The following DLG2 variants were observed in gnomAD, a reference collection of about 807,000 sequenced individuals.
DLG2 encodes the protein discs large MAGUK scaffold protein 2.
DLG2 carries 45 observed loss-of-function variants against 132.5 expected under a neutral mutation model. That is an observed-to-expected ratio of 0.34 (90% CI 0.27 to 0.44). DLG2 has a LOEUF of 0.44. Among genes scored for constraint, DLG2 ranks in the 20% least tolerant of loss-of-function variants. The pLI is 1.00. For synonymous variants in DLG2, 424 were observed against 419.6 expected (o/e 1.01, Z -0.13); for missense variants, 1,045 against 1,196.9 (o/e 0.87, Z 1.87).
intron 18 of DLG2, among the ~76,000 whole-genome samples, chr11:83,783,617 C>T (rs1230735668): frequency 1.3e-5 from 2 of 151,974 alleles, no homozygotes; most frequent in Non-Finnish European, 2.9e-5. Context: ...TAAGAAATAC[C>T]AAGTAGGACA....
chr11:85,204,264 G>C (rs1272892999), intron 4 of DLG2, among the ~76,000 whole-genome samples: 1 of 152,060 alleles, frequency 6.6e-6, no homozygotes, highest in Non-Finnish European at 1.5e-5. Context: ...GTTTGCAGAA[G>C]ACATGATCTT....
At chr11:85,049,419 G>A (rs1252770136) in intron 6 of DLG2, among the ~76,000 whole-genome samples, 1 of 147,036 alleles carries the variant, frequency 6.8e-6, no homozygotes. Flanking sequence ...TGGAAGACTG[G>A]CCACAAGTAT....
chr11:84,296,612 T>G (rs2098091888), intron 7 of DLG2, among the ~76,000 whole-genome samples: 1 of 152,072 alleles, frequency 6.6e-6, no homozygotes, highest in South Asian at 2.1e-4. Context: ...CTATGTTATT[T>G]TACTTTTTGT....
At chr11:84,039,199 T>A (rs1272123874) in intron 11 of DLG2, among the ~76,000 whole-genome samples, 1 of 151,934 alleles carries the variant, frequency 6.6e-6, no homozygotes, top group African/African-American at 2.4e-5. Context: ...TTTCAGCTCC[T>A]CATTTTTTTT....
chr11:83,470,128 A>G (rs2091829476), intron 24 of DLG2, among the ~76,000 whole-genome samples: 1 of 150,704 alleles, frequency 6.6e-6, no homozygotes, highest in Non-Finnish European at 1.5e-5. Context: ...AAAGATATTC[A>G]TTATATTATT....
At chr11:84,444,318 G>A (rs2099026518) in intron 7 of DLG2, among the ~76,000 whole-genome samples, 1 of 152,064 alleles carries the variant, frequency 6.6e-6, no homozygotes, top group African/African-American at 2.4e-5. Flanking sequence ...AAAACACCAT[G>A]GCTCATGTTT....
chr11:84,728,955 A>T (rs1439769701), intron 6 of DLG2, among the ~76,000 whole-genome samples: 1 of 151,950 alleles, frequency 6.6e-6, no homozygotes, highest in Non-Finnish European at 1.5e-5. Flanking sequence ...ATCATTTTTT[A>T]TTGCATCTAT....
chr11:84,698,132 A>T (rs2058813667), intron 6 of DLG2, among the ~76,000 whole-genome samples: 1 of 151,494 alleles, frequency 6.6e-6, no homozygotes, highest in Non-Finnish European at 1.5e-5. Flanking sequence ...AATACACAAT[A>T]GTTCTTGGAT....
At chr11:84,668,729 T>C (rs1250170752) in intron 6 of DLG2, among the ~76,000 whole-genome samples, 6 of 152,190 alleles carry the variant, frequency 3.9e-5, no homozygotes, top group Non-Finnish European at 7.3e-5. Flanking sequence ...CCATTTCCCC[T>C]TAGTAATAAT....
chr11:85,134,343 A>C (rs956020339), intron 5 of DLG2, among the ~76,000 whole-genome samples: 1 of 149,880 alleles, frequency 6.7e-6, no homozygotes, highest in Non-Finnish European at 1.5e-5. Context: ...TCCCGGCTAA[A>C]ACGGTGAAAC....
At chr11:83,581,948 CTTTTTTTTTTTTTT>C (rs71849863) in intron 19 of DLG2, among the ~76,000 whole-genome samples, 1 of 52,634 alleles carries the variant, frequency 1.9e-5, no homozygotes, top group Non-Finnish European at 3.1e-5. Context: ...AGTTTGGACT[CTTTTTTTTTTTTTT>C]TTTTTTTTTT....
chr11:84,207,580 A>T (rs952553733), intron 8 of DLG2, among the ~76,000 whole-genome samples: 1 of 152,168 alleles, frequency 6.6e-6, no homozygotes, highest in Non-Finnish European at 1.5e-5. Flanking sequence ...GATTACCTGG[A>T]TATCTATTGG....
chr11:84,991,498 G>A (rs2057100665), intron 6 of DLG2, among the ~76,000 whole-genome samples: 3 of 102,992 alleles, frequency 2.9e-5, no homozygotes, highest in Admixed American at 1.4e-4. Context: ...AACAGAGTGA[G>A]ACACCTTCTC....
intron 9 of DLG2, among the ~76,000 whole-genome samples, chr11:84,132,418 C>T (rs1315754443): frequency 6.6e-6 from 1 of 151,892 alleles, no homozygotes; most frequent in Non-Finnish European, 1.5e-5. Flanking sequence ...TAATTTGACT[C>T]CCTATTATAG....
intron 21 of DLG2, among the ~76,000 whole-genome samples, chr11:83,523,201 T>C (rs1406346726): frequency 6.6e-6 from 1 of 152,216 alleles, no homozygotes; most frequent in Non-Finnish European, 1.5e-5. Flanking sequence ...CAGAATTTAT[T>C]CTTTAATAAT....
intron 6 of DLG2, among the ~76,000 whole-genome samples, chr11:84,670,475 A>T (rs1037678740): frequency 6.6e-6 from 1 of 152,102 alleles, no homozygotes; most frequent in Admixed American, 6.6e-5. Flanking sequence ...GGCGCTTATG[A>T]TGGGATGCTA....
chr11:84,610,165 A>C (rs138205716), intron 6 of DLG2, among the ~76,000 whole-genome samples: 42 of 152,220 alleles, frequency 2.8e-4, no homozygotes, highest in African/African-American at 9.9e-4. Flanking sequence ...ACTGAAGGAA[A>C]AAGCTTTTCA....
At chr11:84,621,014 A>G (rs563961469) in intron 6 of DLG2, among the ~76,000 whole-genome samples, 39 of 152,258 alleles carry the variant, frequency 2.6e-4, no homozygotes, top group African/African-American at 9.4e-4. Context: ...AACGAACAAT[A>G]TACTACTACA....
intron 21 of DLG2, among the ~76,000 whole-genome samples, chr11:83,508,618 T>C (rs948986421): frequency 6.6e-6 from 1 of 152,114 alleles, no homozygotes; most frequent in East Asian, 1.9e-4. Context: ...CATACCTTCT[T>C]AAACATTTTG....
Sources: gnomAD v4.1 joint callset for allele counts (sites outside exome capture counted in the v4.1 genomes callset) on GRCh38, gnomAD v4.1.1 for gene constraint, MANE v1.5 for transcripts, NCBI Gene and HGNC (gene_info 2026-07-23, HGNC 2026-07-21) for gene names.